The following LMO1 variants were observed in gnomAD, a reference collection of about 807,000 sequenced individuals.
LMO1 encodes rhombotin-1.
A neutral mutation model predicts 18.0 loss-of-function variants in LMO1; 10 were observed. That is an observed-to-expected ratio of 0.55 (90% CI 0.34 to 0.94). The LOEUF is 0.94. Among genes scored for constraint, LMO1 ranks in the 40% least tolerant of loss-of-function variants. The pLI is 0.02. For synonymous variants in LMO1, 77 were observed against 77.9 expected, an observed-to-expected ratio of 0.99 and a Z score of 0.06; for missense variants, 183 against 205.7, an observed-to-expected ratio of 0.89 and a Z score of 0.68.
Position 8,263,366 on chromosome 11 carries a change from G to T in LMO1, c.-4C>A. On this transcript the variant is annotated 5_prime_UTR_variant, in exon 1 of 4. Coordinates refer to ENST00000335790, the MANE Select transcript of LMO1 (RefSeq NM_002315.3). ...CCTCCTTGTCCAGCACCATCATCTC[G>T]GGCGCTCCGTGTCCAGCCGCAGCTA... 1 of 1,604,778 alleles carries T rather than the reference G, an allele frequency of 6.2e-7. No individual in the cohort carries two copies.
At chr11:8,227,122 G>T (rs758591693) in intron 2 of LMO1, 22 bp from the exon 3 acceptor site, 2 of 1,600,606 alleles carry the variant, frequency 1.2e-6, no homozygotes, top group African/African-American at 1.3e-5. Context: ...AGGGCGCAGA[G>T]GACTCAGCAG....
intron 1 of LMO1, among the ~76,000 whole-genome samples, chr11:8,246,467 A>G (rs76798128): frequency 0.048 from 7,307 of 152,306 alleles, 240 homozygotes; most frequent in Admixed American, 0.075. Flanking sequence ...GATTCCATTT[A>G]TATGAAATGT....
chr11:8,267,121 A>C (rs1444578689), upstream of LMO1, among the ~76,000 whole-genome samples: 5 of 152,248 alleles, frequency 3.3e-5, no homozygotes, highest in Non-Finnish European at 7.3e-5. Flanking sequence ...GCCTTCTTGC[A>C]AGCAGCAGTT....
intron 1 of LMO1, among the ~76,000 whole-genome samples, chr11:8,238,618 C>T (rs1952802500): frequency 6.9e-6 from 1 of 143,962 alleles, no homozygotes; most frequent in East Asian, 2.0e-4. Context: ...TTGCAGTGAG[C>T]CAAGATCGCG....
At chr11:8,248,119 T>C (rs1379989014) in intron 1 of LMO1, among the ~76,000 whole-genome samples, 1 of 152,234 alleles carries the variant, frequency 6.6e-6, no homozygotes, top group African/African-American at 2.4e-5. Context: ...GCCCGTGATC[T>C]CACAGTCAGA....
intron 1 of LMO1, among the ~76,000 whole-genome samples, chr11:8,253,144 G>A (rs1381484048): frequency 6.6e-6 from 1 of 152,178 alleles, no homozygotes; most frequent in East Asian, 1.9e-4. Flanking sequence ...CAGGCCCCCT[G>A]CCCTCAGCTG....
intron 1 of LMO1, among the ~76,000 whole-genome samples, chr11:8,231,357 C>T (rs1278058405): frequency 6.6e-6 from 1 of 152,240 alleles, no homozygotes; most frequent in Non-Finnish European, 1.5e-5. Context: ...CATGTGCGCT[C>T]ACACACACCC....
In LMO1 at chr11:8,227,046, G is replaced by A. The variant is rs1476826912; in HGVS notation, c.294C>T (p.Phe98=). ...CAACSKLIPA[F]EMVMRARDNV... ...TGTCCCGGGCCCGCATCACCATCTC[G>A]AAGGCTGGGATCAGCTTGCTGCAAG... The change falls in exon 3 of 4, where the codon TTC becomes TTT. Residue 98 remains phenylalanine, a synonymous_variant. Coordinates refer to ENST00000335790, the MANE Select transcript of LMO1 (RefSeq NM_002315.3). 8 of 1,613,974 alleles carry A rather than the reference G, an allele frequency of 5.0e-6. No individual in the cohort carries two copies. The highest frequency in any genetic ancestry group is 1.7e-5 in the Admixed American group (1 of 60,032).
chr11:8,243,120 C>G (rs1033212390), intron 1 of LMO1, among the ~76,000 whole-genome samples: 8 of 152,162 alleles, frequency 5.3e-5, no homozygotes, highest in Non-Finnish European at 1.5e-5. Flanking sequence ...ATGGAAACCC[C>G]TTTGGCTGGG....
In LMO1 at chr11:8,226,996, G is replaced by A. The variant is rs1396687970; in HGVS notation, c.344C>T (p.Ala115Val). 2 of 1,613,420 alleles carry A rather than the reference G, an allele frequency of 1.2e-6. No homozygotes were observed. Among genetic ancestry groups the A allele is most frequent in the South Asian group, 2.2e-5 (2 of 91,044 alleles). The part of the protein sequence containing the change: ...RDNVYHLDCF[A>V]CQLCNQRFCV... ...TGACCTCTGGTTGCAGAGCTGGCAG[G>A]CGAAGCAGTCGAGGTGATACACGTT... The change falls in exon 3 of 4, where the codon GCC becomes GTC. Residue 115 changes from alanine (A) to valine (V), a missense_variant. Ala to Val is a moderately conservative substitution (Grantham distance 64). Coordinates refer to ENST00000335790, the MANE Select transcript of LMO1 (RefSeq NM_002315.3).
At chr11:8,265,091 C>T (rs1847247643), upstream of LMO1, among the ~76,000 whole-genome samples, 1 of 152,236 alleles carries the variant, frequency 6.6e-6, no homozygotes, top group Admixed American at 6.5e-5. Context: ...GGACTAGACC[C>T]AGGGAAAGAG....
chr11:8,268,045 T>C (rs1847278490), upstream of LMO1, among the ~76,000 whole-genome samples: 1 of 152,212 alleles, frequency 6.6e-6, no homozygotes, highest in South Asian at 2.1e-4. Flanking sequence ...CCAGAGAGGC[T>C]GGGAGACTGG....
At position 8,230,304 on chromosome 11, in the gene LMO1, G is replaced by T; in HGVS notation, c.226C>A (p.Arg76Ser). ...YTKANLILCR[R>S]DYLRLFGTTG... ...TTGGCAGCCCACCTCAGGTAGTCGC[G>T]TCGGCACAGGATGAGGTTGGCCTTG... The change falls in exon 2 of 4, where the codon CGC becomes AGC. Residue 76 changes from arginine (R) to serine (S), a missense_variant. By Grantham distance (110) the Arg-to-Ser change is moderately radical. Transcript: ENST00000335790. The T allele has an allele frequency of 6.2e-7, 1 of 1,613,652 alleles. No individual in the cohort carries two copies. The highest frequency in any genetic ancestry group is 2.2e-5 in the East Asian group (1 of 44,876).
intron 1 of LMO1, among the ~76,000 whole-genome samples, chr11:8,236,737 G>C (rs1590535814): frequency 6.6e-6 from 1 of 152,152 alleles, no homozygotes; most frequent in Non-Finnish European, 1.5e-5. Flanking sequence ...AGGAGGGACT[G>C]TGTCTGTTTT....
intron 1 of LMO1, among the ~76,000 whole-genome samples, chr11:8,253,183 C>T (rs1847034128): frequency 6.6e-6 from 1 of 152,200 alleles, no homozygotes; most frequent in African/African-American, 2.4e-5. Flanking sequence ...GAGAAGCTGC[C>T]TCACGTCCTC....
intron 2 of LMO1, 114 bp downstream of exon 2, chr11:8,230,177 A>T: frequency 1.1e-6 from 1 of 900,216 alleles, no homozygotes; most frequent in Non-Finnish European, 1.8e-6. Flanking sequence ...GTCAAGAATG[A>T]GAGGACACAC....
intron 1 of LMO1, among the ~76,000 whole-genome samples, chr11:8,248,631 T>C (rs1336599918): frequency 6.6e-6 from 1 of 152,126 alleles, no homozygotes; most frequent in Non-Finnish European, 1.5e-5. Context: ...GGAGTAGAAA[T>C]AGGTAAGGGT....
chr11:8,231,173 G>A (rs1469078871), intron 1 of LMO1, among the ~76,000 whole-genome samples: 1 of 152,176 alleles, frequency 6.6e-6, no homozygotes, highest in Non-Finnish European at 1.5e-5. Flanking sequence ...TGGCCTGGGG[G>A]AGGGCAGGCT....
upstream of LMO1, chr11:8,268,481 G>C (rs1847283856): frequency 7.2e-7 from 1 of 1,394,158 alleles, no homozygotes; most frequent in Non-Finnish European, 9.3e-7. Context: ...CTAGCGCCGA[G>C]GATACGGAGG....
Sources: allele counts gnomAD v4.1 joint callset (sites outside exome capture counted in the v4.1 genomes callset), GRCh38; gene constraint gnomAD v4.1.1; transcripts MANE v1.5; gene names NCBI Gene and HGNC (gene_info 2026-07-23, HGNC 2026-07-21).